The following SPARCL1 variants were observed in gnomAD, a reference collection of about 807,000 sequenced individuals.
SPARCL1 encodes SPARC-like protein 1.
In SPARCL1, 52 loss-of-function variants were observed where a neutral mutation model predicts 67.1. The ratio of observed to expected loss-of-function variants is 0.78; its 90% CI spans 0.62 to 0.98. SPARCL1 has a LOEUF of 0.98. Among genes scored for constraint, SPARCL1 ranks in the 50% least tolerant of loss-of-function variants. The pLI, the probability that SPARCL1 is intolerant of heterozygous loss-of-function variation, is 0.00. For missense variants in SPARCL1, 717 were observed against 782.4 expected (o/e 0.92, Z 1.00); for synonymous variants, 226 against 267.8 (o/e 0.84, Z 1.52).
intron 7 of SPARCL1, among the ~76,000 whole-genome samples, chr4:87,483,958 G>C (rs921074509): frequency 8.6e-5 from 13 of 152,004 alleles, no homozygotes; most frequent in Non-Finnish European, 1.8e-4. Context: ...ATTTGTATCT[G>C]TTCCTTGTAG....
chr4:87,518,780 A>G (rs1160372503), intron 1 of SPARCL1, among the ~76,000 whole-genome samples: 2 of 152,210 alleles, frequency 1.3e-5, no homozygotes, highest in Admixed American at 1.3e-4. Context: ...AGAAAAAGAG[A>G]GAAAAAGAAG....
chr4:87,473,839 A>G (rs935476081), intron 10 of SPARCL1, 36 bp from the exon 11 acceptor site: 1 of 1,490,972 alleles, frequency 6.7e-7, no homozygotes, highest in South Asian at 1.1e-5. Flanking sequence ...ACACTTTTAG[A>G]AAGTAGCCAG....
intron 8 of SPARCL1, among the ~76,000 whole-genome samples, chr4:87,481,198 C>T (rs141890556): frequency 1.7e-3 from 259 of 152,296 alleles, no homozygotes; most frequent in African/African-American, 6.1e-3. Context: ...TTGCTCCCTG[C>T]GACCTTCCTG....
Position 87,494,336 on chromosome 4 carries a change from T to G in SPARCL1, c.464A>C (p.Glu155Ala). 6.2e-7 allele frequency: 1 copy of G among 1,614,200 alleles called. No homozygotes were observed. Among genetic ancestry groups the G allele is most frequent in the Non-Finnish European group, 8.5e-7 (1 of 1,180,040 alleles). ...VSSFTDSNQQ[E>A]SITKREENQE... is the part of the protein sequence containing the mutation. ...GTTTTCCTCTCTCTTTGTGATACTTTCTTGTTGGTTAGAATCTGTGAAGGA... is the reference window on the plus strand; with the variant it reads ...GTTTTCCTCTCTCTTTGTGATACTTGCTTGTTGGTTAGAATCTGTGAAGGA... Residue 155 changes from glutamate (E) to alanine (A), a missense_variant, in exon 4 of 11, where the codon GAA becomes GCA. By Grantham distance (107) the Glu-to-Ala change is moderately radical. Coordinates refer to ENST00000282470, the MANE Select transcript of SPARCL1 (RefSeq NM_004684.6).
chr4:87,490,675 T>A, intron 6 of SPARCL1, 85 bp downstream of exon 6: 1 of 993,656 alleles, frequency 1.0e-6, no homozygotes, highest in South Asian at 1.7e-5. Context: ...CTACCTTTTT[T>A]AAGCAAAAAT....
rs185926568 is a variant in SPARCL1, at chr4:87,473,784, G to A, written c.1986C>T (p.Leu662=). The change falls in exon 11 of 11, where the codon CTC becomes CTT. Residue 662 remains leucine (L), a synonymous_variant. Transcript: ENST00000282470. ...TCTTTAAAATCTTCGTTCAAAACAA[G>A]AGATTTTCATCTATGTCCTCTATAA... ...GIKEEDIDEN[L]LF The A allele has an allele frequency of 2.5e-6, 4 of 1,609,520 alleles. No homozygotes were observed. The East Asian group carries it at 8.9e-5, about 36-fold the overall frequency.
At chr4:87,497,352 G>T in intron 2 of SPARCL1, 1 of 255,404 alleles carries the variant, frequency 3.9e-6, no homozygotes, top group Non-Finnish European at 6.1e-6. Context: ...ATCATAGAAG[G>T]CAATGGATGG....
At chr4:87,517,376 G>A (rs1035186305) in intron 1 of SPARCL1, among the ~76,000 whole-genome samples, 5 of 152,134 alleles carry the variant, frequency 3.3e-5, no homozygotes, top group African/African-American at 1.2e-4. Flanking sequence ...TCTGCTCTTA[G>A]GATGGCTCAC....
intron 7 of SPARCL1, among the ~76,000 whole-genome samples, chr4:87,487,779 G>A (rs1724135295): frequency 6.6e-6 from 1 of 152,096 alleles, no homozygotes; most frequent in Non-Finnish European, 1.5e-5. Flanking sequence ...TTTCTTGGAG[G>A]CTTTGTTTAT....
Position 87,493,911 on chromosome 4 carries a change from CTT to C in SPARCL1, c.887_888del (p.Gln296ArgfsTer3). The C allele has an allele frequency of 6.2e-7, 1 of 1,614,174 alleles. No homozygotes were observed. The highest frequency in any genetic ancestry group is 8.5e-7 in the Non-Finnish European group (1 of 1,180,016). On this transcript the variant is annotated frameshift_variant, in exon 4 of 11. Transcript: ENST00000282470. LOFTEE classifies it high-confidence loss of function. ...ATAGCTTCTAGGCCAGTTTTACCCT[CTT>C]GACTCTGCCATTCAGTTTCTTGAAT... ...KHIQETEWQS[Q>X]EGKTGLEAIS...
intron 7 of SPARCL1, 96 bp downstream of exon 7, chr4:87,490,177 A>T: frequency 7.6e-7 from 1 of 1,320,370 alleles, no homozygotes; most frequent in Non-Finnish European, 1.0e-6. Flanking sequence ...GAACTACATC[A>T]GCTTTTCCCT....
At chr4:87,515,162 C>G (rs1725529926) in intron 1 of SPARCL1, among the ~76,000 whole-genome samples, 1 of 152,150 alleles carries the variant, frequency 6.6e-6, no homozygotes, top group South Asian at 2.1e-4. Context: ...TGAGCTTATT[C>G]AAAGGCAGCT....
At chr4:87,512,079 C>T (rs958738466) in intron 1 of SPARCL1, among the ~76,000 whole-genome samples, 3 of 150,592 alleles carry the variant, frequency 2.0e-5, no homozygotes, top group Non-Finnish European at 2.9e-5. Flanking sequence ...ATTCTCGTGC[C>T]TCAGCCTCCT....
chr4:87,506,970 T>G (rs1433967864), intron 1 of SPARCL1, among the ~76,000 whole-genome samples: 3 of 152,152 alleles, frequency 2.0e-5, no homozygotes, highest in African/African-American at 7.2e-5. Context: ...CTCAATAAAT[T>G]TTAATTCTTT....
At chr4:87,527,516 T>C (rs937027627) in intron 1 of SPARCL1, among the ~76,000 whole-genome samples, 4 of 152,180 alleles carry the variant, frequency 2.6e-5, no homozygotes, top group African/African-American at 9.7e-5. Flanking sequence ...ATGAAATAAA[T>C]AATGTTTTCA....
intron 10 of SPARCL1, among the ~76,000 whole-genome samples, chr4:87,474,472 A>G (rs1013187892): frequency 4.6e-5 from 7 of 151,908 alleles, no homozygotes; most frequent in Non-Finnish European, 1.5e-5. Flanking sequence ...GTTTACTTAT[A>G]TTTGCACCCA....
rs41282397 is a variant in SPARCL1 at position 87,490,342 on chromosome 4, T to A, written c.1462A>T (p.Thr488Ser). Residue 488 changes from threonine to serine, a missense_variant, in exon 7 of 11, where the codon ACT becomes TCT. By Grantham distance (58) the Thr-to-Ser change is moderately conservative. Coordinates refer to ENST00000282470, the MANE Select transcript of SPARCL1 (RefSeq NM_004684.6). ...TYASSCHLFA[T>S]KCRLEGTKKG... is the part of the protein sequence containing the mutation. The stretch of plus-strand genomic sequence containing the variant: ...TTGGTCCCCTCCAGTCTGCATTTAG[T>A]AGCGAATAGATGACAGGAACTAGCA... The A allele has an allele frequency of 5.4e-4, 875 of 1,613,604 alleles. No individual in the cohort carries two copies. Among genetic ancestry groups the A allele is most frequent in the Non-Finnish European group, 6.6e-4 (781 of 1,179,762 alleles).
intron 2 of SPARCL1, among the ~76,000 whole-genome samples, chr4:87,496,193 TATTA>T (rs989226445): frequency 1.3e-5 from 2 of 152,142 alleles, no homozygotes; most frequent in African/African-American, 4.8e-5. Context: ...TAATATTTTT[TATTA>T]ATTAAAAAAC....
intron 1 of SPARCL1, among the ~76,000 whole-genome samples, chr4:87,505,154 C>T (rs1725022284): frequency 6.6e-6 from 1 of 152,182 alleles, no homozygotes; most frequent in Non-Finnish European, 1.5e-5. Flanking sequence ...ATACAGTTTT[C>T]TCAAGTGATG....
Sources: allele counts gnomAD v4.1 joint callset (sites outside exome capture counted in the v4.1 genomes callset), GRCh38; gene constraint gnomAD v4.1.1; transcripts MANE v1.5; gene names NCBI Gene and HGNC (gene_info 2026-07-23, HGNC 2026-07-21).